The following RABGAP1L variants were observed in gnomAD, a reference collection of about 807,000 sequenced individuals.
The protein encoded by RABGAP1L is rab GTPase-activating protein 1-like.
In RABGAP1L, 63 loss-of-function variants were observed where a neutral mutation model predicts 137.7. The ratio of observed to expected loss-of-function variants is 0.46; its 90% CI spans 0.37 to 0.56. The LOEUF (loss-of-function observed/expected upper bound fraction) is 0.56, where lower values mean the gene tolerates loss of function less well. Ranked by LOEUF, RABGAP1L falls within the 20% of genes least tolerant of loss-of-function variation. The probability of loss-of-function intolerance (pLI) is 0.00; values close to 1 mark genes in which losing one functional copy is unlikely to be tolerated. For synonymous variants in RABGAP1L, 431 were observed against 433.7 expected, an observed-to-expected ratio of 0.99 and a Z score of 0.08; for missense variants, 1,095 against 1,244.0, an observed-to-expected ratio of 0.88 and a Z score of 1.80.
chr1:174,659,058 AAATC>A (rs1461686517), intron 14 of RABGAP1L, among the ~76,000 whole-genome samples: 2 of 152,204 alleles, frequency 1.3e-5, no homozygotes, highest in Admixed American at 1.3e-4. Flanking sequence ...TCCTGACGAT[AAATC>A]AAATGGGTTA....
chr1:174,383,256 C>G (rs565669525), intron 12 of RABGAP1L, among the ~76,000 whole-genome samples: 12 of 151,426 alleles, frequency 7.9e-5, no homozygotes, highest in African/African-American at 2.7e-4. Flanking sequence ...TGTCTGTGCC[C>G]TGCCCTCAGA....
intron 7 of RABGAP1L, among the ~76,000 whole-genome samples, chr1:174,269,168 C>T (rs189162862): frequency 6.6e-6 from 1 of 152,210 alleles, no homozygotes; most frequent in Admixed American, 6.5e-5. Context: ...TGGTCTCAAT[C>T]TCCCGACCTC....
intron 13 of RABGAP1L, among the ~76,000 whole-genome samples, chr1:174,584,518 A>G (rs1298235828): frequency 6.6e-6 from 1 of 152,194 alleles, no homozygotes; most frequent in African/African-American, 2.4e-5. Flanking sequence ...GCTTGACTTC[A>G]GGAGTTTAAG....
chr1:174,795,390 CAAGA>C (rs1400020117), intron 18 of RABGAP1L, among the ~76,000 whole-genome samples: 6 of 152,086 alleles, frequency 3.9e-5, no homozygotes, highest in African/African-American at 1.4e-4. Flanking sequence ...GAGATGGCAC[CAAGA>C]AAGAGTCTAT....
intron 1 of RABGAP1L, among the ~76,000 whole-genome samples, chr1:174,176,741 A>AAAAAAAAAAAAAAAAT (rs755688394): frequency 1.3e-4 from 14 of 111,778 alleles, no homozygotes; most frequent in African/African-American, 5.0e-4. Context: ...AAAAAAAAAA[A>AAAAAAAAAAAAAAAAT]AAAAAGGTCA....
At chr1:174,500,823 C>A (rs897155633) in intron 13 of RABGAP1L, among the ~76,000 whole-genome samples, 2 of 152,094 alleles carry the variant, frequency 1.3e-5, no homozygotes, top group Non-Finnish European at 2.9e-5. Context: ...GTAAAAAACT[C>A]AGTGCTCATG....
intron 12 of RABGAP1L, among the ~76,000 whole-genome samples, chr1:174,384,358 T>C (rs1413421592): frequency 6.6e-6 from 1 of 152,116 alleles, no homozygotes; most frequent in African/African-American, 2.4e-5. Flanking sequence ...CTCACAAACC[T>C]ATGTGCATTT....
chr1:174,368,251 CAT>C (rs1253058427), intron 11 of RABGAP1L, among the ~76,000 whole-genome samples: 1 of 152,206 alleles, frequency 6.6e-6, no homozygotes, highest in East Asian at 1.9e-4. Flanking sequence ...GTTAGTAAAA[CAT>C]ATTGATGGAT....
intron 1 of RABGAP1L, among the ~76,000 whole-genome samples, chr1:174,212,135 A>C (rs1668942968): frequency 6.6e-6 from 1 of 152,200 alleles, no homozygotes; most frequent in Non-Finnish European, 1.5e-5. Flanking sequence ...TGGACCTCAT[A>C]GATGTTTATA....
chr1:174,641,052 T>C (rs979348478), intron 14 of RABGAP1L, among the ~76,000 whole-genome samples: 2 of 150,572 alleles, frequency 1.3e-5, no homozygotes, highest in African/African-American at 4.9e-5. Context: ...TACTTTGACA[T>C]ATATTACCTC....
At chr1:174,285,380 T>C (rs1675964165) in intron 10 of RABGAP1L, among the ~76,000 whole-genome samples, 1 of 152,172 alleles carries the variant, frequency 6.6e-6, no homozygotes, top group Admixed American at 6.5e-5. Context: ...TTGTAAGGGA[T>C]TTTTTTGTTT....
chr1:174,828,460 G>C (rs570166482), intron 19 of RABGAP1L, among the ~76,000 whole-genome samples: 1 of 148,002 alleles, frequency 6.8e-6, no homozygotes, highest in South Asian at 2.2e-4. Flanking sequence ...TGTTTCTGCT[G>C]CCTAGGTTGC....
intron 19 of RABGAP1L, among the ~76,000 whole-genome samples, chr1:174,855,794 CACTT>C (rs1649192424): frequency 6.6e-6 from 1 of 152,106 alleles, no homozygotes; most frequent in Non-Finnish European, 1.5e-5. Flanking sequence ...GGGATTAACT[CACTT>C]ATTTTTATTA....
chr1:174,221,712 T>A (rs1044604882), intron 3 of RABGAP1L, among the ~76,000 whole-genome samples: 7 of 152,220 alleles, frequency 4.6e-5, no homozygotes, highest in African/African-American at 1.7e-4. Flanking sequence ...ACCACAGGTA[T>A]AATTTGATCT....
At chr1:174,376,812 A>G (rs760624330) in intron 12 of RABGAP1L, among the ~76,000 whole-genome samples, 7 of 152,226 alleles carry the variant, frequency 4.6e-5, no homozygotes, top group Non-Finnish European at 8.8e-5. Context: ...ATCTACTCTC[A>G]TGACTCTTAC....
At chr1:174,672,779 G>C (rs1459178253) in intron 14 of RABGAP1L, among the ~76,000 whole-genome samples, 1 of 151,956 alleles carries the variant, frequency 6.6e-6, no homozygotes, top group Non-Finnish European at 1.5e-5. Context: ...CGTTCCTCCT[G>C]TTACTGATTT....
intron 14 of RABGAP1L, among the ~76,000 whole-genome samples, chr1:174,673,490 G>A (rs1677340170): frequency 6.6e-6 from 1 of 152,164 alleles, no homozygotes; most frequent in South Asian, 2.1e-4. Flanking sequence ...ATGCTATCAG[G>A]TACCTGAGAT....
At position 174,221,072 on chromosome 1, in the gene RABGAP1L, C is replaced by A; in HGVS notation, c.239C>A (p.Ser80Tyr). 6.2e-7 allele frequency: 1 copy of A among 1,613,890 alleles called. No individual in the cohort carries two copies. Among genetic ancestry groups the A allele is most frequent in the African/African-American group, 1.3e-5 (1 of 74,994 alleles). The change falls in exon 3 of 26, where the codon TCC becomes TAC. Residue 80 changes from serine (S) to tyrosine (Y), a missense_variant. Around this residue, in one of 4 missense-constraint regions of RABGAP1L, gnomAD observed 356 missense variants for 326.3 expected, o/e 1.09. Coordinates refer to ENST00000681986, the MANE Select transcript of RABGAP1L (RefSeq NM_001366446.1). ...PSSLLVDCQS[S>Y]SEISDHSFGD... The stretch of plus-strand genomic sequence containing the variant: ...AGTCTTCTTGTTGATTGTCAAAGTT[C>A]CAGTGAGATTTCAGACCATTCGTTT...
At chr1:174,511,422 A>T (rs10912799) in intron 13 of RABGAP1L, among the ~76,000 whole-genome samples, 58,610 of 151,682 alleles carry the variant, frequency 0.39, 14,179 homozygotes, top group African/African-American at 0.69. Flanking sequence ...AAGAAGCATG[A>T]ATTTAGAACA....
Sources: gnomAD v4.1 joint callset for allele counts (sites outside exome capture counted in the v4.1 genomes callset) on GRCh38, gnomAD v4.1.1 for gene constraint, gnomAD v4.1.1 regional missense constraint, MANE v1.5 for transcripts, NCBI Gene and HGNC (gene_info 2026-07-23, HGNC 2026-07-21) for gene names.